ADGRA1: variants seen among roughly 807,000 people sequenced by gnomAD.
ADGRA1 encodes the protein G-protein coupled receptor 123.
Under a neutral mutation model 21.3 loss-of-function variants are expected in ADGRA1, and 12 were observed. The observed-to-expected ratio is 0.56, with a 90% CI of 0.36 to 0.91. ADGRA1 has a LOEUF of 0.91. ADGRA1 is among the 40% of genes least tolerant of loss of function. The pLI is 0.01. For synonymous variants in ADGRA1, 385 were observed against 368.8 expected (o/e 1.04, Z -0.50); for missense variants, 790 against 805.6 (o/e 0.98, Z 0.23).
intron 5 of ADGRA1, among the ~76,000 whole-genome samples, chr10:133,108,792 C>A (rs1851935823): frequency 6.6e-6 from 1 of 151,962 alleles, no homozygotes; most frequent in Admixed American, 6.6e-5. Context: ...GGCCCCAGCT[C>A]CACCCCTCCC....
chr10:133,097,700 G>A (rs1851711576), intron 3 of ADGRA1, among the ~76,000 whole-genome samples: 1 of 152,234 alleles, frequency 6.6e-6, no homozygotes, highest in African/African-American at 2.4e-5. Flanking sequence ...TTGGGCTGCT[G>A]CAGCAGAACA....
intron 5 of ADGRA1, among the ~76,000 whole-genome samples, chr10:133,124,970 T>TG (rs1852350241): frequency 6.6e-6 from 1 of 152,176 alleles, no homozygotes; most frequent in African/African-American, 2.4e-5. Context: ...TGGTGCGCCG[T>TG]GGGTCCGTCC....
At chr10:133,108,459 G>A (rs184275047) in intron 5 of ADGRA1, among the ~76,000 whole-genome samples, 59 of 152,274 alleles carry the variant, frequency 3.9e-4, no homozygotes, top group East Asian at 3.5e-3. Context: ...AGAAGGGAAG[G>A]AGGAAGAGGA....
intron 5 of ADGRA1, among the ~76,000 whole-genome samples, chr10:133,103,821 T>C (rs748840788): frequency 2.0e-5 from 3 of 152,192 alleles, no homozygotes; most frequent in Non-Finnish European, 4.4e-5. Flanking sequence ...TGAGACTGAA[T>C]CCCAGACACA....
chr10:133,097,205 A>G, intron 3 of ADGRA1, 104 bp downstream of exon 3: 1 of 1,414,226 alleles, frequency 7.1e-7, no homozygotes, highest in East Asian at 2.3e-5. Flanking sequence ...TCATGTAGCA[A>G]GAAGTCCTTG....
intron 5 of ADGRA1, among the ~76,000 whole-genome samples, chr10:133,118,412 A>T (rs1852195864): frequency 6.6e-6 from 1 of 152,210 alleles, no homozygotes; most frequent in African/African-American, 2.4e-5. Context: ...TGGGTAATTT[A>T]TAAAGGAAAG....
In ADGRA1 at chr10:133,092,081, G is replaced by A. The variant is rs111245596; in HGVS notation, c.3+3169G>A. On this transcript the variant is annotated intron_variant, in intron 2 of 6. Transcript: ENST00000392607. The stretch of plus-strand genomic sequence containing the variant: ...AAGTACGTGAGCCCACATGAGGTGG[G>A]TTTATCTCTGCTCAAATTTTACCCC... 6.4e-3 allele frequency among the ~76,000 whole-genome samples: 977 copies of A among 152,332 alleles called. 16 individuals are homozygous for A. The highest frequency in any genetic ancestry group is 0.023 in the African/African-American group (945 of 41,568).
chr10:133,122,023 G>C (rs917431731), intron 5 of ADGRA1, among the ~76,000 whole-genome samples: 1 of 152,156 alleles, frequency 6.6e-6, no homozygotes, highest in Non-Finnish European at 1.5e-5. Flanking sequence ...TGTGTGGTAT[G>C]TGTGTTCCAG....
chr10:133,103,651 C>T (rs547703478), intron 5 of ADGRA1, among the ~76,000 whole-genome samples: 2 of 152,334 alleles, frequency 1.3e-5, no homozygotes, highest in East Asian at 1.9e-4. Context: ...GGAACCCAGA[C>T]GTCCACGTCT....
chr10:133,111,302 G>C (rs1333654446), intron 5 of ADGRA1, among the ~76,000 whole-genome samples: 2 of 14,130 alleles, frequency 1.4e-4, no homozygotes, highest in Admixed American at 6.9e-4. Context: ...CTGCCCCCCC[G>C]GGAACCATCC....
chr10:133,096,868 G>A, intron 2 of ADGRA1, 106 bp from the exon 3 acceptor site: 1 of 1,375,698 alleles, frequency 7.3e-7, no homozygotes, highest in South Asian at 1.3e-5. Flanking sequence ...GAAAATGCCT[G>A]GAGCGGCTGC....
intron 2 of ADGRA1, among the ~76,000 whole-genome samples, chr10:133,094,870 C>T (rs111712904): frequency 0.014 from 2,094 of 152,282 alleles, 18 homozygotes; most frequent in African/African-American, 0.021. Context: ...GGGGCATTCT[C>T]CACCTCCCAG....
intron 4 of ADGRA1, among the ~76,000 whole-genome samples, chr10:133,101,636 G>A (rs780833501): frequency 4.6e-5 from 7 of 152,204 alleles, no homozygotes; most frequent in East Asian, 1.9e-4. Flanking sequence ...GAAAGAACCC[G>A]AGGCCGGGCT....
At chr10:133,100,230 A>T (rs993144070) in intron 4 of ADGRA1, among the ~76,000 whole-genome samples, 5 of 152,214 alleles carry the variant, frequency 3.3e-5, no homozygotes, top group African/African-American at 1.2e-4. Context: ...CACGCACCTG[A>T]AGGTGGCTAA....
At chr10:133,105,817 C>T (rs916210750) in intron 5 of ADGRA1, among the ~76,000 whole-genome samples, 1 of 152,232 alleles carries the variant, frequency 6.6e-6, no homozygotes, top group African/African-American at 2.4e-5. Context: ...GGAGGCCCAG[C>T]AGCGAGAAGC....
chr10:133,107,933 T>G (rs907086218), intron 5 of ADGRA1, among the ~76,000 whole-genome samples: 3 of 152,250 alleles, frequency 2.0e-5, no homozygotes, highest in Admixed American at 1.3e-4. Flanking sequence ...TTCATTACAA[T>G]GATGAAAAAC....
intron 5 of ADGRA1, among the ~76,000 whole-genome samples, chr10:133,124,038 T>C (rs1013066884): frequency 1.3e-5 from 2 of 152,160 alleles, no homozygotes; most frequent in Non-Finnish European, 2.9e-5. Context: ...TGTGCGATGC[T>C]CATCTACCTG....
intron 3 of ADGRA1, 63 bp downstream of exon 3, chr10:133,097,164 C>A: frequency 1.0e-5 from 16 of 1,587,146 alleles, no homozygotes; most frequent in Non-Finnish European, 1.4e-5. Flanking sequence ...CCTTCAAAGG[C>A]AAGTCCCTGA....
chr10:133,100,572 G>A (rs1851774064), intron 4 of ADGRA1, among the ~76,000 whole-genome samples: 1 of 152,232 alleles, frequency 6.6e-6, no homozygotes, highest in Admixed American at 6.5e-5. Flanking sequence ...GGCAGGTCTG[G>A]AAGGTTCCAG....
Sources: allele counts gnomAD v4.1 joint callset (sites outside exome capture counted in the v4.1 genomes callset), GRCh38; gene constraint gnomAD v4.1.1; transcripts MANE v1.5; gene names NCBI Gene and HGNC (gene_info 2026-07-23, HGNC 2026-07-21).